AP3B1: variants seen among roughly 807,000 people sequenced by gnomAD.
AP3B1 encodes AP-3 complex subunit beta-1.
AP3B1 carries 61 observed loss-of-function variants against 132.5 expected under a neutral mutation model. That is an observed-to-expected ratio of 0.46 (90% CI 0.37 to 0.57). AP3B1 has a LOEUF of 0.57. Among genes scored for constraint, AP3B1 ranks in the 20% least tolerant of loss-of-function variants. The probability of loss-of-function intolerance (pLI) is 0.00; values close to 1 mark genes in which losing one functional copy is unlikely to be tolerated. For missense variants in AP3B1, 1,120 were observed against 1,289.4 expected (o/e 0.87, Z 2.01); for synonymous variants, 388 against 438.3 (o/e 0.89, Z 1.43).
rs190742081 is a variant in AP3B1 at position 78,246,087 on chromosome 5, C to T, written c.205-5151G>A. Among the ~76,000 whole-genome samples the T allele has an allele frequency of 3.3e-5, 5 of 152,294 alleles. No homozygotes were observed. In the East Asian group the frequency reaches 9.7e-4, roughly 29 times the overall value. On this transcript the variant is annotated intron_variant, in intron 2 of 26. Coordinates refer to ENST00000255194, the MANE Select transcript of AP3B1 (RefSeq NM_003664.5). ...CTGCTAAGCTCTTAGATAGCTTCTACCCAAGGTAGAGATGGAATTCCAGAG... is the reference window on the plus strand; with the variant it reads ...CTGCTAAGCTCTTAGATAGCTTCTATCCAAGGTAGAGATGGAATTCCAGAG...
chr5:78,074,435 T>C (rs900693205), intron 22 of AP3B1, among the ~76,000 whole-genome samples: 6 of 152,152 alleles, frequency 3.9e-5, no homozygotes, highest in Non-Finnish European at 2.9e-5. Flanking sequence ...AGGCCAGTGA[T>C]TTTTCATTAT....
intron 15 of AP3B1, among the ~76,000 whole-genome samples, chr5:78,136,437 CATAAAAATGCACCCAGCTA>C (rs1752913914): frequency 6.6e-6 from 1 of 152,052 alleles, no homozygotes; most frequent in South Asian, 2.1e-4. Context: ...TAGGTGAAGG[CATAAAAATGCACCCAGCTA>C]AACAGAGATG....
chr5:78,127,986 C>A (rs763851656), intron 17 of AP3B1, 44 bp downstream of exon 17: 5 of 1,605,990 alleles, frequency 3.1e-6, no homozygotes, highest in East Asian at 4.5e-5. Context: ...ATCCTAGAGT[C>A]TTCCACTGCT....
chr5:78,078,866 C>T (rs946677661), intron 22 of AP3B1, among the ~76,000 whole-genome samples: 1 of 152,206 alleles, frequency 6.6e-6, no homozygotes, highest in Non-Finnish European at 1.5e-5. Context: ...TAAAGCCTTT[C>T]AGTCTGCATG....
At chr5:78,188,502 G>A (rs1402948787) in intron 7 of AP3B1, among the ~76,000 whole-genome samples, 1 of 152,136 alleles carries the variant, frequency 6.6e-6, no homozygotes, top group Non-Finnish European at 1.5e-5. Context: ...CTGATCATTA[G>A]AGAAATGCAA....
intron 7 of AP3B1, among the ~76,000 whole-genome samples, chr5:78,191,742 T>C (rs1744842421): frequency 6.6e-6 from 1 of 152,164 alleles, no homozygotes; most frequent in Admixed American, 6.5e-5. Flanking sequence ...TACTGTTTCC[T>C]TCTGTAAGGA....
At position 78,109,785 on chromosome 5, in the gene AP3B1, C is replaced by T. The variant is rs184449879; in HGVS notation, c.2397+422G>A. 6.1e-4 allele frequency among the ~76,000 whole-genome samples: 92 copies of T among 152,056 alleles called. 1 individual carries two copies. The highest frequency in any genetic ancestry group is 3.9e-3 in the Admixed American group (59 of 15,282). On this transcript the variant is annotated intron_variant, in intron 20 of 26. Coordinates refer to ENST00000255194, the MANE Select transcript of AP3B1 (RefSeq NM_003664.5). ...CCATTTGTTTTTAAATAAATGGCTACGCAAATTCTTACTAACTAAAGAATG... is the reference window on the plus strand; with the variant it reads ...CCATTTGTTTTTAAATAAATGGCTATGCAAATTCTTACTAACTAAAGAATG...
chr5:78,089,852 C>T (rs1263454058), intron 21 of AP3B1, among the ~76,000 whole-genome samples: 2 of 152,094 alleles, frequency 1.3e-5, no homozygotes, highest in African/African-American at 2.4e-5. Context: ...GAATAACAAC[C>T]GCTTCCAAGA....
At chr5:78,049,676 C>A (rs995910555) in intron 22 of AP3B1, among the ~76,000 whole-genome samples, 1 of 152,154 alleles carries the variant, frequency 6.6e-6, no homozygotes, top group African/African-American at 2.4e-5. Flanking sequence ...CCGGTCTGAG[C>A]CACCACCACC....
At chr5:78,094,805 C>T (rs949720521) in intron 21 of AP3B1, among the ~76,000 whole-genome samples, 1 of 152,072 alleles carries the variant, frequency 6.6e-6, no homozygotes, top group Admixed American at 6.6e-5. Context: ...TGCAGCCTCC[C>T]GAGTAACTGG....
At chr5:78,283,088 G>A (rs955584204) in intron 1 of AP3B1, among the ~76,000 whole-genome samples, 1 of 152,146 alleles carries the variant, frequency 6.6e-6, no homozygotes, top group Admixed American at 6.5e-5. Flanking sequence ...TGTTTATTAT[G>A]TACCAGGCAC....
chr5:78,101,977 A>G (rs1024927033), intron 20 of AP3B1, among the ~76,000 whole-genome samples: 6 of 152,100 alleles, frequency 3.9e-5, no homozygotes, highest in Non-Finnish European at 8.8e-5. Context: ...TTATTTAATC[A>G]TTCATTCATT....
intron 26 of AP3B1, 124 bp downstream of exon 26, chr5:78,015,286 G>T (rs1561354332): frequency 1.9e-6 from 2 of 1,026,684 alleles, no homozygotes; most frequent in African/African-American, 1.6e-5. Context: ...AAAAAAAAGG[G>T]AGTGTGTGTA....
At position 78,089,443 on chromosome 5, in the gene AP3B1, T is replaced by C. The variant is rs201609994; in HGVS notation, c.2527A>G (p.Met843Val). The change falls in exon 22 of 27, where the codon ATG becomes GTG. Residue 843 changes from methionine (M) to valine (V), a missense_variant. By Grantham distance (21) the Met-to-Val change is conservative. Transcript: ENST00000255194. ...LPTPALSPSL[M>V]ADLEGLHLST... The stretch of plus-strand genomic sequence containing the variant: ...AAGTGTAAACCTTCAAGATCAGCCA[T>C]CAAACTTGGAGAAAGAGCTGGTGTG... 1.1e-5 allele frequency: 18 copies of C among 1,613,522 alleles called. No homozygotes were observed. Among genetic ancestry groups the C allele is most frequent in the Middle Eastern group, 1.7e-4 (1 of 6,058 alleles).
intron 14 of AP3B1, among the ~76,000 whole-genome samples, chr5:78,148,845 T>G (rs995913693): frequency 2.0e-5 from 3 of 152,198 alleles, no homozygotes; most frequent in Admixed American, 6.5e-5. Context: ...GCTAGTTCAT[T>G]AGCTATTGGT....
intron 3 of AP3B1, 64 bp from the exon 4 acceptor site, chr5:78,228,303 C>G: frequency 9.0e-7 from 1 of 1,112,322 alleles, no homozygotes; most frequent in East Asian, 2.5e-5. Context: ...ATTTGCTATA[C>G]CAAAATCCAT....
chr5:78,060,487 TC>T (rs1377376670), intron 22 of AP3B1, among the ~76,000 whole-genome samples: 2 of 152,186 alleles, frequency 1.3e-5, no homozygotes, highest in Non-Finnish European at 2.9e-5. Context: ...ACATTATAAT[TC>T]AAGAATATAT....
intron 14 of AP3B1, among the ~76,000 whole-genome samples, chr5:78,145,029 A>G (rs1478037711): frequency 6.6e-6 from 1 of 152,162 alleles, no homozygotes; most frequent in Non-Finnish European, 1.5e-5. Flanking sequence ...GAAGAACTCC[A>G]AAACCAGTAT....
intron 7 of AP3B1, among the ~76,000 whole-genome samples, chr5:78,203,453 C>T (rs1025230170): frequency 7.2e-5 from 11 of 152,132 alleles, no homozygotes; most frequent in African/African-American, 2.7e-4. Flanking sequence ...AAAACTGCCC[C>T]CCATGATTCA....
Sources: gnomAD v4.1 joint callset for allele counts (sites outside exome capture counted in the v4.1 genomes callset) on GRCh38, gnomAD v4.1.1 for gene constraint, MANE v1.5 for transcripts, NCBI Gene and HGNC (gene_info 2026-07-23, HGNC 2026-07-21) for gene names.